The following KIF5C variants were observed in gnomAD, a reference collection of about 807,000 sequenced individuals.
KIF5C encodes kinesin family member 5C.
In KIF5C, 18 loss-of-function variants were observed where a neutral mutation model predicts 125.2. That is an observed-to-expected ratio of 0.14 (90% CI 0.10 to 0.21). The LOEUF (loss-of-function observed/expected upper bound fraction) is 0.21, where lower values mean the gene tolerates loss of function less well. Ranked by LOEUF, KIF5C falls within the 10% of genes least tolerant of loss-of-function variation. KIF5C has a pLI of 1.00. For missense variants in KIF5C, 780 were observed against 1,183.8 expected (o/e 0.66, Z 5.01); for synonymous variants, 405 against 434.0 (o/e 0.93, Z 0.83).
intron 1 of KIF5C, chr2:148,878,824 T>C (rs1371167132): frequency 1.3e-5 from 2 of 152,210 alleles, no homozygotes; most frequent in African/African-American, 4.8e-5. Flanking sequence ...TCCAGAAATA[T>C]GTCACCTTCA....
intron 1 of KIF5C, among the ~76,000 whole-genome samples, chr2:148,910,797 C>CT (rs780685315): frequency 5.3e-5 from 8 of 152,182 alleles, no homozygotes; most frequent in Non-Finnish European, 1.0e-4. Context: ...AAGTGGATCA[C>CT]TTAGAAGGCC....
rs77000624 is a variant in KIF5C, at chr2:148,942,513, A to G, written c.502-160A>G. 6.8e-3 allele frequency among the ~76,000 whole-genome samples: 1,035 copies of G among 152,326 alleles called. 17 individuals are homozygous for G. Among genetic ancestry groups the G allele is most frequent in the Middle Eastern group, 0.065 (19 of 294 alleles). ...TTGCTCAGACTTCTCTTTAATGTAG[A>G]ATTCAAGCCCTGGGCAAGGAGGAAA... On this transcript the variant is annotated intron_variant, in intron 6 of 25. Coordinates refer to ENST00000435030, the MANE Select transcript of KIF5C (RefSeq NM_004522.3).
chr2:148,971,305 T>TATCC (rs1680898107), intron 11 of KIF5C, among the ~76,000 whole-genome samples: 1 of 150,328 alleles, frequency 6.7e-6, no homozygotes, highest in East Asian at 1.9e-4. Flanking sequence ...TCTATCTATC[T>TATCC]ATCTATCTAT....
At chr2:148,957,756 A>G (rs1682832032) in intron 10 of KIF5C, among the ~76,000 whole-genome samples, 2 of 152,138 alleles carry the variant, frequency 1.3e-5, no homozygotes, top group Non-Finnish European at 2.9e-5. Context: ...TGAATATAAT[A>G]TAGTAAAATA....
In KIF5C at chr2:148,875,569, GC is replaced by G; in HGVS notation, c.-45del. The G allele has an allele frequency of 2.9e-6, 2 of 689,810 alleles. No individual in the cohort carries two copies. Among genetic ancestry groups the G allele is most frequent in the Non-Finnish European group, 5.3e-6 (2 of 380,154 alleles). 42.7% of individuals were successfully genotyped at this position (689,810 alleles called of 1,614,324 possible). On this transcript the variant is annotated 5_prime_UTR_variant, in exon 1 of 26. Transcript: ENST00000435030. ...GCGGCCTCCTCCCTCGTCGTTCCCG[GC>G]CCCGGCCCCCCACCCATCCCCGTGC...
At chr2:149,006,607 C>T (rs954114950) in intron 22 of KIF5C, among the ~76,000 whole-genome samples, 1 of 152,172 alleles carries the variant, frequency 6.6e-6, no homozygotes, top group African/African-American at 2.4e-5. Context: ...GAGTTAGAAG[C>T]ATGGGCTTGG....
rs551972278 is a variant in KIF5C, at chr2:148,914,058, C to T, written c.127-8079C>T. 2.2e-4 allele frequency among the ~76,000 whole-genome samples: 34 copies of T among 152,314 alleles called. 1 individual carries two copies. In the South Asian group the frequency reaches 6.4e-3, roughly 29 times the overall value. Reference sequence around the variant, plus strand: ...GGAAATCACAGCATTCCTTACCGCTCATTATTGTGATAGCTTGTTAGAGCC... The same window carrying T: ...GGAAATCACAGCATTCCTTACCGCTTATTATTGTGATAGCTTGTTAGAGCC... On this transcript the variant is annotated intron_variant, in intron 1 of 25. Coordinates refer to ENST00000435030, the MANE Select transcript of KIF5C (RefSeq NM_004522.3).
At position 148,875,575 on chromosome 2, in the gene KIF5C, G is replaced by GGCCCCCCCCCCCCCCCCAGCCC; in HGVS notation, c.-43_-42insGCCCCCCCCCCCCCCCCAGCCC. On this transcript the variant is annotated 5_prime_UTR_variant, in exon 1 of 26. Coordinates refer to ENST00000435030, the MANE Select transcript of KIF5C (RefSeq NM_004522.3). Reference sequence around the variant, plus strand: ...TCCTCCCTCGTCGTTCCCGGCCCCGGCCCCCCACCCATCCCCGTGCCCCCT... The same window carrying GGCCCCCCCCCCCCCCCCAGCCC: ...TCCTCCCTCGTCGTTCCCGGCCCCGGGCCCCCCCCCCCCCCCCAGCCCCCCCCCACCCATCCCCGTGCCCCCT... The GGCCCCCCCCCCCCCCCCAGCCC allele has an allele frequency of 1.4e-6, 1 of 699,606 alleles. No homozygotes were observed. 43.3% of individuals were successfully genotyped at this position (699,606 alleles called of 1,614,324 possible).
intron 5 of KIF5C, 138 bp downstream of exon 5, chr2:148,941,796 T>C: frequency 6.9e-7 from 1 of 1,449,300 alleles, no homozygotes; most frequent in Non-Finnish European, 9.2e-7. Context: ...TATATGTTTA[T>C]TCTCAGCCAA....
intron 1 of KIF5C, chr2:148,885,499 A>G (rs1681492087): frequency 6.6e-6 from 1 of 152,180 alleles, no homozygotes; most frequent in Non-Finnish European, 1.5e-5. Flanking sequence ...ATTTGGAGCA[A>G]TCCTCTTAAG....
intron 25 of KIF5C, among the ~76,000 whole-genome samples, chr2:149,013,137 A>G (rs141002231): frequency 4.1e-4 from 63 of 152,318 alleles, no homozygotes; most frequent in East Asian, 3.5e-3. Flanking sequence ...TTTATACAGG[A>G]TGGCGGTTTA....
At chr2:148,911,632 GA>G (rs1381124614) in intron 1 of KIF5C, among the ~76,000 whole-genome samples, 1 of 152,026 alleles carries the variant, frequency 6.6e-6, no homozygotes, top group Non-Finnish European at 1.5e-5. Context: ...GGAGGACAAA[GA>G]AAAAACTTAA....
intron 23 of KIF5C, 117 bp downstream of exon 23, chr2:149,008,184 C>T (rs1682069719): frequency 7.7e-7 from 1 of 1,292,500 alleles, no homozygotes; most frequent in Admixed American, 2.8e-5. Context: ...AAGAACTGTA[C>T]ACTATCAGAG....
chr2:148,989,217 T>C (rs915971424), intron 15 of KIF5C, among the ~76,000 whole-genome samples: 1 of 152,174 alleles, frequency 6.6e-6, no homozygotes, highest in African/African-American at 2.4e-5. Context: ...ATACGATGTT[T>C]GGTTTTCCAT....
chr2:149,000,495 A>G lies in KIF5C; in HGVS notation c.2283A>G (p.Gln761=). 1.3e-6 allele frequency: 2 copies of G among 1,572,522 alleles called. No individual in the cohort carries two copies. Among genetic ancestry groups the G allele is most frequent in the East Asian group, 2.3e-5 (1 of 43,740 alleles). The change falls in exon 20 of 26, where the codon CAA becomes CAG. Residue 761 remains glutamine, a synonymous_variant. Coordinates refer to ENST00000435030, the MANE Select transcript of KIF5C (RefSeq NM_004522.3). ...ATAACAAGCTGAAAATAGAGGACCA[A>G]GAGAGAGAAATGAAGCTGGAAAAGC... is the stretch of plus-strand genomic sequence containing the variant. ...SDYNKLKIED[Q]EREMKLEKLL...
intron 16 of KIF5C, among the ~76,000 whole-genome samples, chr2:148,992,790 A>AGTT (rs1419644002): frequency 6.6e-6 from 1 of 152,238 alleles, no homozygotes; most frequent in East Asian, 1.9e-4. Flanking sequence ...ATGATTATAT[A>AGTT]GTTGTTATTT....
At chr2:148,900,927 A>C (rs1274301626) in intron 1 of KIF5C, among the ~76,000 whole-genome samples, 3 of 152,166 alleles carry the variant, frequency 2.0e-5, no homozygotes, top group Non-Finnish European at 2.9e-5. Flanking sequence ...ATAGCTCATG[A>C]ACATTCGTTG....
At chr2:148,984,646 C>T (rs1045117035) in intron 15 of KIF5C, among the ~76,000 whole-genome samples, 1 of 152,132 alleles carries the variant, frequency 6.6e-6, no homozygotes, top group African/African-American at 2.4e-5. Context: ...CATATCCTTA[C>T]ACTTCATTGG....
chr2:149,015,460 T>A (rs1180439659), intron 25 of KIF5C, among the ~76,000 whole-genome samples: 3 of 152,220 alleles, frequency 2.0e-5, no homozygotes, highest in African/African-American at 7.2e-5. Flanking sequence ...ATGATCTCAA[T>A]TGTGTCTTCC....
Sources: gnomAD v4.1 joint callset for allele counts (sites outside exome capture counted in the v4.1 genomes callset) on GRCh38, gnomAD v4.1.1 for gene constraint, MANE v1.5 for transcripts, NCBI Gene and HGNC (gene_info 2026-07-23, HGNC 2026-07-21) for gene names.